PSD3: variants seen among roughly 807,000 people sequenced by gnomAD.
PSD3 encodes pleckstrin and Sec7 domain containing 3, also known as PH and SEC7 domain-containing protein 3.
Under a neutral mutation model 105.5 loss-of-function variants are expected in PSD3, and 49 were observed. The observed-to-expected ratio is 0.46, with a 90% CI of 0.37 to 0.59. PSD3 has a LOEUF of 0.59. Among genes scored for constraint, PSD3 ranks in the 20% least tolerant of loss-of-function variants. The probability of loss-of-function intolerance (pLI) is 0.00; values close to 1 mark genes in which losing one functional copy is unlikely to be tolerated. For synonymous variants in PSD3, 557 were observed against 457.8 expected (o/e 1.22, Z -2.77); for missense variants, 1,561 against 1,263.8 (o/e 1.24, Z -3.57).
intron 9 of PSD3, among the ~76,000 whole-genome samples, chr8:18,663,367 A>G (rs913701698): frequency 2.0e-5 from 3 of 152,054 alleles, no homozygotes; most frequent in South Asian, 2.1e-4. Context: ...TGGAGGTTTC[A>G]GTGAGCCAAG....
chr8:19,029,490 A>G (rs1827681604), intron 1 of PSD3, among the ~76,000 whole-genome samples: 2 of 152,168 alleles, frequency 1.3e-5, no homozygotes, highest in South Asian at 2.1e-4. Flanking sequence ...GAAACTTACA[A>G]TCATGGCGGA....
At chr8:18,561,832 G>A (rs1459824142) in intron 14 of PSD3, among the ~76,000 whole-genome samples, 3 of 152,158 alleles carry the variant, frequency 2.0e-5, no homozygotes, top group Admixed American at 2.0e-4. Context: ...ATGGGAACAG[G>A]CAACTTGGCT....
chr8:18,615,579 T>G (rs752084589), intron 11 of PSD3, among the ~76,000 whole-genome samples: 1 of 152,224 alleles, frequency 6.6e-6, no homozygotes, highest in Non-Finnish European at 1.5e-5. Context: ...ATTTGATAAG[T>G]TCGTTTATGT....
chr8:18,568,863 G>A (rs932590148), intron 14 of PSD3, among the ~76,000 whole-genome samples: 6 of 149,714 alleles, frequency 4.0e-5, no homozygotes, highest in Admixed American at 6.7e-5. Context: ...CCACTCCCCC[G>A]ACCCCACAAC....
At chr8:18,567,701 C>T (rs1382328213) in intron 14 of PSD3, among the ~76,000 whole-genome samples, 4 of 152,178 alleles carry the variant, frequency 2.6e-5, no homozygotes, top group African/African-American at 4.8e-5. Context: ...AACACTTGAG[C>T]ACATTTTCCT....
chr8:18,645,335 T>C lies in PSD3; in HGVS notation c.2216+10307A>G, dbSNP rs79845302. Among the ~76,000 whole-genome samples the C allele has an allele frequency of 7.6e-3, 1,151 of 152,342 alleles. 18 individuals are homozygous for C. Among genetic ancestry groups the C allele is most frequent in the African/African-American group, 0.026 (1,101 of 41,568 alleles). Reference sequence around the variant, plus strand: ...TCATTTTTAGCTAACAATTTTTTAATTTAAAAATACTTTACTGTAGAAAAC... The same window carrying C: ...TCATTTTTAGCTAACAATTTTTTAACTTAAAAATACTTTACTGTAGAAAAC... On this transcript the variant is annotated intron_variant, in intron 10 of 15. Transcript: ENST00000327040.
chr8:18,549,758 G>A (rs1019624592), intron 15 of PSD3, among the ~76,000 whole-genome samples: 4 of 152,170 alleles, frequency 2.6e-5, no homozygotes, highest in African/African-American at 9.7e-5. Context: ...CTAATGGAAG[G>A]CACTGATCTA....
intron 1 of PSD3, among the ~76,000 whole-genome samples, chr8:18,973,846 A>G (rs1055221979): frequency 6.6e-6 from 1 of 152,212 alleles, no homozygotes; most frequent in East Asian, 1.9e-4. Context: ...AGGACTTACT[A>G]TGAACCAAAC....
At chr8:18,821,193 T>G (rs897413942) in intron 4 of PSD3, among the ~76,000 whole-genome samples, 1 of 148,650 alleles carries the variant, frequency 6.7e-6, no homozygotes, top group African/African-American at 2.5e-5. Context: ...TTTTTTGACA[T>G]TTAATTCTAA....
chr8:19,020,782 A>C (rs1827339102), intron 1 of PSD3, among the ~76,000 whole-genome samples: 1 of 152,192 alleles, frequency 6.6e-6, no homozygotes, highest in Non-Finnish European at 1.5e-5. Context: ...AATGTACATT[A>C]TAAAAGAGAG....
At chr8:18,867,269 G>C (rs560151824) in intron 4 of PSD3, among the ~76,000 whole-genome samples, 1 of 152,306 alleles carries the variant, frequency 6.6e-6, no homozygotes, top group African/African-American at 2.4e-5. Flanking sequence ...AATTTCCAAT[G>C]AAGGAATCTC....
intron 1 of PSD3, among the ~76,000 whole-genome samples, chr8:19,008,787 G>C (rs562583843): frequency 6.6e-6 from 1 of 152,288 alleles, no homozygotes; most frequent in East Asian, 1.9e-4. Context: ...GAGAACAGAA[G>C]GCCAGGGAAA....
intron 15 of PSD3, among the ~76,000 whole-genome samples, chr8:18,546,761 C>T (rs1336914078): frequency 1.3e-5 from 2 of 152,126 alleles, no homozygotes; most frequent in Admixed American, 6.5e-5. Context: ...TACATTTGTA[C>T]CTTTTGATCA....
chr8:18,982,054 C>T (rs1790048134), intron 1 of PSD3, among the ~76,000 whole-genome samples: 1 of 152,174 alleles, frequency 6.6e-6, no homozygotes, highest in East Asian at 1.9e-4. Flanking sequence ...TGAAGTCAAT[C>T]CTCTCAAACC....
At chr8:18,820,958 C>G (rs1351328384) in intron 4 of PSD3, among the ~76,000 whole-genome samples, 2 of 152,118 alleles carry the variant, frequency 1.3e-5, no homozygotes, top group Non-Finnish European at 1.5e-5. Flanking sequence ...TGATGTTGCC[C>G]AAGCTAGTCT....
At chr8:18,944,646 C>T (rs1378547968) in intron 1 of PSD3, among the ~76,000 whole-genome samples, 3 of 152,006 alleles carry the variant, frequency 2.0e-5, no homozygotes, top group East Asian at 3.9e-4. Flanking sequence ...TAAACTTTTT[C>T]TCTTAGTAAC....
intron 4 of PSD3, among the ~76,000 whole-genome samples, chr8:18,809,357 C>G (rs774808796): frequency 1.1e-4 from 17 of 152,228 alleles, no homozygotes; most frequent in Non-Finnish European, 1.6e-4. Context: ...TTCTGACCTC[C>G]AAGTAAACAT....
intron 1 of PSD3, among the ~76,000 whole-genome samples, chr8:18,960,127 T>C (rs1046320069): frequency 2.0e-5 from 3 of 152,234 alleles, no homozygotes; most frequent in African/African-American, 7.2e-5. Flanking sequence ...CGTATACTGA[T>C]AGCAGTTTCT....
chr8:18,847,923 G>A (rs990910787), intron 4 of PSD3, among the ~76,000 whole-genome samples: 1 of 152,112 alleles, frequency 6.6e-6, no homozygotes, highest in Admixed American at 6.5e-5. Context: ...AGAAACAATC[G>A]GGGAGACATG....
Sources: gnomAD v4.1 joint callset for allele counts (sites outside exome capture counted in the v4.1 genomes callset) on GRCh38, gnomAD v4.1.1 for gene constraint, MANE v1.5 for transcripts, NCBI Gene and HGNC (gene_info 2026-07-23, HGNC 2026-07-21) for gene names.